PCDH7: variants seen among roughly 807,000 people sequenced by gnomAD.
The protein encoded by PCDH7 is protocadherin-7.
A neutral mutation model predicts 58.9 loss-of-function variants in PCDH7; 17 were observed. That is an observed-to-expected ratio of 0.29 (90% CI 0.20 to 0.43). The LOEUF (loss-of-function observed/expected upper bound fraction) is 0.43, where lower values mean the gene tolerates loss of function less well. Among genes scored for constraint, PCDH7 ranks in the 20% least tolerant of loss-of-function variants. The probability of loss-of-function intolerance (pLI) is 1.00; values close to 1 mark genes in which losing one functional copy is unlikely to be tolerated. For synonymous variants in PCDH7, 664 were observed against 616.4 expected (o/e 1.08, Z -1.14); for missense variants, 1,274 against 1,441.0 (o/e 0.88, Z 1.88).
intron 1 of PCDH7, among the ~76,000 whole-genome samples, chr4:30,793,528 A>C (rs1208741739): frequency 1.3e-4 from 20 of 152,114 alleles, no homozygotes; most frequent in Admixed American, 1.3e-3. Context: ...GGTTTAGTGA[A>C]GACAATTAAA....
At chr4:31,075,527 A>G (rs1758909382) in intron 3 of PCDH7, among the ~76,000 whole-genome samples, 1 of 152,200 alleles carries the variant, frequency 6.6e-6, no homozygotes, top group South Asian at 2.1e-4. Context: ...TGTCTGAGAT[A>G]TGTATACTTG....
downstream of PCDH7, among the ~76,000 whole-genome samples, chr4:30,734,354 TC>T (rs11343899): frequency 0.032 from 4,837 of 152,020 alleles, 240 homozygotes; most frequent in African/African-American, 0.11. Context: ...TGCCTCAGCC[TC>T]CCAAGTAGCT....
At chr4:30,921,735 T>C (rs1395488476) in intron 2 of PCDH7, among the ~76,000 whole-genome samples, 1 of 152,070 alleles carries the variant, frequency 6.6e-6, no homozygotes, top group Non-Finnish European at 1.5e-5. Context: ...AGTTACATTT[T>C]TTTTAGTAAT....
chr4:30,981,714 T>C (rs1750587377), intron 3 of PCDH7, among the ~76,000 whole-genome samples: 1 of 152,204 alleles, frequency 6.6e-6, no homozygotes, highest in African/African-American at 2.4e-5. Flanking sequence ...TCACTCTCCT[T>C]AACCTTCCTC....
chr4:30,802,972 G>A (rs1457760646), intron 1 of PCDH7, among the ~76,000 whole-genome samples: 2 of 152,236 alleles, frequency 1.3e-5, no homozygotes, highest in South Asian at 4.1e-4. Flanking sequence ...AGGCAGCTGC[G>A]AGAGAAGGTT....
intron 1 of PCDH7, among the ~76,000 whole-genome samples, chr4:30,857,674 G>A (rs576433517): frequency 1.3e-5 from 2 of 152,194 alleles, no homozygotes; most frequent in Admixed American, 6.6e-5. Context: ...TCTATTATGA[G>A]TATCCTGACA....
At chr4:30,977,265 C>T (rs2109105039) in intron 3 of PCDH7, among the ~76,000 whole-genome samples, 1 of 152,256 alleles carries the variant, frequency 6.6e-6, no homozygotes, top group Non-Finnish European at 1.5e-5. Flanking sequence ...TCTTGCCACT[C>T]CATTACAATT....
At chr4:31,002,902 C>T (rs1485375423) in intron 3 of PCDH7, among the ~76,000 whole-genome samples, 3 of 152,154 alleles carry the variant, frequency 2.0e-5, no homozygotes, top group Admixed American at 6.5e-5. Flanking sequence ...CCAGCCTGAG[C>T]GTCTCTCCTT....
downstream of PCDH7, chr4:31,143,118 AAAAAAAAC>A (rs1388000627): frequency 2.4e-3 from 405 of 169,718 alleles, 24 homozygotes; most frequent in South Asian, 0.047. Context: ...TCTCCAAAAA[AAAAAAAAC>A]AAAAAGAAAA....
At chr4:31,037,394 A>G (rs1364624048) in intron 3 of PCDH7, among the ~76,000 whole-genome samples, 1 of 152,172 alleles carries the variant, frequency 6.6e-6, no homozygotes, top group African/African-American at 2.4e-5. Context: ...GCCATTATTG[A>G]TATTCAGAGT....
intron 2 of PCDH7, among the ~76,000 whole-genome samples, chr4:30,935,022 A>C (rs1016622274): frequency 2.0e-5 from 3 of 152,120 alleles, no homozygotes; most frequent in Non-Finnish European, 4.4e-5. Flanking sequence ...GCATTAATAA[A>C]AGATGCTAAA....
At chr4:31,016,106 A>G (rs1407009921) in intron 3 of PCDH7, among the ~76,000 whole-genome samples, 2 of 152,208 alleles carry the variant, frequency 1.3e-5, no homozygotes, top group African/African-American at 4.8e-5. Context: ...ACCAACTATT[A>G]CAAAAATGTA....
In PCDH7 at chr4:31,109,380, G is replaced by C. The variant is rs182766626; in HGVS notation, c.*8-33093G>C. ...CATATTTATTAAAGTAAGGTTGTTA[G>C]CTTCAACCTTTTCCCATGTAAAACA... On this transcript the variant is annotated intron_variant, in intron 3 of 3. Transcript: ENST00000509759. Among the ~76,000 whole-genome samples, 172 of 152,258 alleles carry C rather than the reference G, an allele frequency of 1.1e-3. 1 individual carries two copies. Among genetic ancestry groups the C allele is most frequent in the Middle Eastern group, 6.8e-3 (2 of 294 alleles).
intron 2 of PCDH7, among the ~76,000 whole-genome samples, chr4:30,942,887 TTGAG>T (rs1261929422): frequency 7.8e-6 from 1 of 127,882 alleles, no homozygotes; most frequent in Admixed American, 8.3e-5. Flanking sequence ...AATTTCTGTC[TTGAG>T]TAAGTGTTTT....
At chr4:31,048,222 T>G (rs954073556) in intron 3 of PCDH7, among the ~76,000 whole-genome samples, 1 of 152,008 alleles carries the variant, frequency 6.6e-6, no homozygotes, top group African/African-American at 2.4e-5. Flanking sequence ...AAAGAATATC[T>G]CAGGAGTCTT....
At chr4:31,130,014 G>A (rs1162226029) in intron 3 of PCDH7, among the ~76,000 whole-genome samples, 3 of 151,992 alleles carry the variant, frequency 2.0e-5, no homozygotes, top group African/African-American at 7.3e-5. Context: ...AATAAGTGAT[G>A]AACAAATAAT....
At chr4:31,108,385 A>G (rs1395533199) in intron 3 of PCDH7, among the ~76,000 whole-genome samples, 1 of 49,276 alleles carries the variant, frequency 2.0e-5, no homozygotes, top group Non-Finnish European at 3.6e-5. Context: ...AAAAAAAAAA[A>G]AAAAAAAAAA....
rs184665673 is a variant in PCDH7, at chr4:31,141,461, C to T, written c.*8-1012C>T. 1.6e-4 allele frequency among the ~76,000 whole-genome samples: 25 copies of T among 152,320 alleles called. No individual in the cohort carries two copies. In the East Asian group the frequency reaches 4.4e-3, roughly 27 times the overall value. Reference sequence around the variant, plus strand: ...TCAGAATCTGTTGAAGTAGAACAGGCTTTTCTCTCTCCCATTCTCTCTTTC... The same window carrying T: ...TCAGAATCTGTTGAAGTAGAACAGGTTTTTCTCTCTCCCATTCTCTCTTTC... On this transcript the variant is annotated intron_variant, in intron 3 of 3. Coordinates refer to the PCDH7 transcript ENST00000509759.
chr4:31,049,619 G>A (rs1364916762), intron 3 of PCDH7, among the ~76,000 whole-genome samples: 1 of 152,076 alleles, frequency 6.6e-6, no homozygotes, highest in East Asian at 1.9e-4. Context: ...CATCAGATTA[G>A]GTGTCCAAAA....
Sources: allele counts gnomAD v4.1 joint callset (sites outside exome capture counted in the v4.1 genomes callset), GRCh38; gene constraint gnomAD v4.1.1; transcripts MANE v1.5; gene names NCBI Gene and HGNC (gene_info 2026-07-23, HGNC 2026-07-21).